CSMD1: variants seen among roughly 807,000 people sequenced by gnomAD.
The protein encoded by CSMD1 is CUB and sushi domain-containing protein 1.
In CSMD1, 213 loss-of-function variants were observed where a neutral mutation model predicts 417.5. The observed-to-expected ratio is 0.51, with a 90% CI of 0.46 to 0.57. The LOEUF (loss-of-function observed/expected upper bound fraction) is 0.57. CSMD1 is among the 20% of genes least tolerant of loss of function. The pLI, the probability that CSMD1 is intolerant of heterozygous loss-of-function variation, is 0.00. For synonymous variants in CSMD1, 2,862 were observed against 1,736.8 expected (o/e 1.65, Z -16.11); for missense variants, 6,923 against 4,529.7 (o/e 1.53, Z -15.17).
intron 6 of CSMD1, among the ~76,000 whole-genome samples, chr8:3,719,807 C>G (rs1401805767): frequency 6.6e-6 from 1 of 152,146 alleles, no homozygotes; most frequent in African/African-American, 2.4e-5. Flanking sequence ...GCTTTTGGAT[C>G]TTTAACAGGA....
chr8:3,536,999 T>C (rs1426574469), intron 10 of CSMD1, among the ~76,000 whole-genome samples: 1 of 152,166 alleles, frequency 6.6e-6, no homozygotes, highest in African/African-American at 2.4e-5. Context: ...ACTCTTTTTT[T>C]CTTTTCTTTC....
chr8:3,901,558 T>A (rs1807753389), intron 5 of CSMD1, among the ~76,000 whole-genome samples: 1 of 152,216 alleles, frequency 6.6e-6, no homozygotes, highest in African/African-American at 2.4e-5. Flanking sequence ...CGTTTGCTCA[T>A]AAAGTAGAGT....
intron 3 of CSMD1, among the ~76,000 whole-genome samples, chr8:4,276,321 G>A (rs767626044): frequency 2.6e-5 from 4 of 152,162 alleles, no homozygotes; most frequent in Admixed American, 6.5e-5. Context: ...AATGTCCTTT[G>A]CAGGGACATG....
chr8:4,302,992 T>C (rs187218348), intron 3 of CSMD1, among the ~76,000 whole-genome samples: 9 of 152,192 alleles, frequency 5.9e-5, no homozygotes, highest in Non-Finnish European at 8.8e-5. Context: ...GTATATCAAA[T>C]AGACACAAAA....
At chr8:4,854,764 CA>C (rs1237955645) in intron 1 of CSMD1, among the ~76,000 whole-genome samples, 5 of 152,164 alleles carry the variant, frequency 3.3e-5, no homozygotes, top group Non-Finnish European at 5.9e-5. Flanking sequence ...GAGGGTCCTA[CA>C]CCCACAGAGT....
At chr8:4,219,227 T>C (rs911389370) in intron 3 of CSMD1, among the ~76,000 whole-genome samples, 4 of 152,226 alleles carry the variant, frequency 2.6e-5, no homozygotes, top group Admixed American at 1.3e-4. Flanking sequence ...CACCCTCTTT[T>C]ACCACTCCAT....
At chr8:2,973,378 T>C in intron 56 of CSMD1, 79 bp from the exon 57 acceptor site, 2 of 1,397,104 alleles carry the variant, frequency 1.4e-6, no homozygotes, top group Non-Finnish European at 2.0e-6. Flanking sequence ...TTAAAGATAA[T>C]GAAAAGTTGT....
chr8:3,405,696 T>C (rs557299980), intron 15 of CSMD1, among the ~76,000 whole-genome samples: 3 of 152,160 alleles, frequency 2.0e-5, no homozygotes, highest in African/African-American at 7.2e-5. Context: ...CAGGGAGAGC[T>C]CCTTTTGAGT....
intron 2 of CSMD1, among the ~76,000 whole-genome samples, chr8:4,475,746 G>C (rs577498348): frequency 2.7e-4 from 41 of 152,166 alleles, no homozygotes; most frequent in African/African-American, 9.4e-4. Context: ...CCGAGTAGCT[G>C]GGATTACAGG....
At chr8:4,287,649 A>AT (rs1254824110) in intron 3 of CSMD1, among the ~76,000 whole-genome samples, 6 of 128,484 alleles carry the variant, frequency 4.7e-5, no homozygotes, top group African/African-American at 1.6e-4. Context: ...CAGTCTCGTC[A>AT]TAGGTGGTAT....
intron 4 of CSMD1, among the ~76,000 whole-genome samples, chr8:4,005,693 G>A (rs1048712430): frequency 6.6e-6 from 1 of 152,178 alleles, no homozygotes; most frequent in Non-Finnish European, 1.5e-5. Flanking sequence ...AACAACAGAA[G>A]AACTTTCAAG....
chr8:4,934,999 A>T (rs1156303008), intron 1 of CSMD1, among the ~76,000 whole-genome samples: 5 of 152,204 alleles, frequency 3.3e-5, no homozygotes, highest in African/African-American at 9.7e-5. Flanking sequence ...TATATTCATC[A>T]TCTATCTATA....
At chr8:3,527,803 T>C (rs566965871) in intron 10 of CSMD1, among the ~76,000 whole-genome samples, 2 of 152,168 alleles carry the variant, frequency 1.3e-5, no homozygotes, top group Non-Finnish European at 1.5e-5. Flanking sequence ...AAAATAAAGT[T>C]ACAAAACATC....
intron 68 of CSMD1, among the ~76,000 whole-genome samples, chr8:2,945,657 A>G (rs1405641514): frequency 1.3e-5 from 2 of 152,136 alleles, no homozygotes; most frequent in Non-Finnish European, 2.9e-5. Flanking sequence ...ACAATAACAC[A>G]TGGACAGCTC....
chr8:4,627,252 A>T (rs1443913121), intron 2 of CSMD1, among the ~76,000 whole-genome samples: 1 of 152,138 alleles, frequency 6.6e-6, no homozygotes, highest in Admixed American at 6.6e-5. Context: ...AATGGGCAGG[A>T]TGGGGGAAAG....
At chr8:3,648,696 T>G (rs1405044877) in intron 7 of CSMD1, among the ~76,000 whole-genome samples, 3 of 152,150 alleles carry the variant, frequency 2.0e-5, no homozygotes, top group African/African-American at 7.2e-5. Flanking sequence ...ATAAAAATGG[T>G]CTAAAAAGTG....
chr8:4,012,668 C>T (rs776589572), intron 4 of CSMD1, among the ~76,000 whole-genome samples: 1 of 152,256 alleles, frequency 6.6e-6, no homozygotes, highest in South Asian at 2.1e-4. Context: ...CTCCTGAATT[C>T]CAGCTTTATG....
Position 3,201,666 on chromosome 8 carries a change from CA to C in CSMD1, c.5043del (p.Phe1681LeufsTer146). ...QTALNDLAEL[F>X]DGTHAQARLL... ...AGTCTGGCCTGTGCATGGGTTCCAT[CA>C]AATAATTCTGCCAAATCATTCAGGG... On this transcript the variant is annotated frameshift_variant, in exon 32 of 70. Transcript: ENST00000635120. LOFTEE classifies it high-confidence loss of function. 1 of 1,606,842 alleles carries C rather than the reference CA, an allele frequency of 6.2e-7. No individual in the cohort carries two copies. Among genetic ancestry groups the C allele is most frequent in the Admixed American group, 1.7e-5 (1 of 59,228 alleles).
Position 3,190,037 on chromosome 8 carries a change from G to C in CSMD1, c.5273C>G (p.Ser1758Cys). ...RYGRRIGSEF[S>C]AGSIVRFECN... ...CTCGAATCGGACGATGGAGCCGGCA[G>C]AAAACTCAGAACCAATTCTCCTTCC... Residue 1758 changes from serine (S) to cysteine (C), a missense_variant, in exon 34 of 70, where the codon TCT becomes TGT. By Grantham distance (112) the Ser-to-Cys change is moderately radical (BLOSUM62 -1). Transcript: ENST00000635120. 1 of 1,594,900 alleles carries C rather than the reference G, an allele frequency of 6.3e-7. No homozygotes were observed. The highest frequency in any genetic ancestry group is 8.5e-7 in the Non-Finnish European group (1 of 1,170,874).
Sources: gnomAD v4.1 joint callset for allele counts (sites outside exome capture counted in the v4.1 genomes callset) on GRCh38, gnomAD v4.1.1 for gene constraint, MANE v1.5 for transcripts, NCBI Gene and HGNC (gene_info 2026-07-23, HGNC 2026-07-21) for gene names.